The following TUB variants were observed in gnomAD, a reference collection of about 807,000 sequenced individuals.
The protein encoded by TUB is tubby protein homolog.
A neutral mutation model predicts 59.7 loss-of-function variants in TUB; 33 were observed. The observed-to-expected ratio is 0.55, with a 90% confidence interval of 0.42 to 0.74. The LOEUF (loss-of-function observed/expected upper bound fraction) is 0.74, where lower values mean the gene tolerates loss of function less well. TUB is among the 30% of genes least tolerant of loss of function. The probability of loss-of-function intolerance (pLI) is 0.00; values close to 1 mark genes in which losing one functional copy is unlikely to be tolerated. For synonymous variants in TUB, 293 were observed against 256.4 expected (o/e 1.14, Z -1.36); for missense variants, 659 against 672.0 (o/e 0.98, Z 0.21).
chr11:8,069,367 C>T (rs1389574442), intron 2 of TUB: 1 of 142,278 alleles, frequency 7.0e-6, no homozygotes, highest in Non-Finnish European at 1.5e-5. Flanking sequence ...TTTACACTCT[C>T]ATTTTTAAAT....
At chr11:8,098,953 T>G in intron 9 of TUB, 78 bp downstream of exon 9, 1 of 1,058,070 alleles carries the variant, frequency 9.5e-7, no homozygotes, top group Non-Finnish European at 1.5e-6. Context: ...CTAGGGGCTA[T>G]CCCATCCATC....
chr11:8,103,446 T>C lies in TUB; in HGVS notation c.*1827T>C, dbSNP rs1273251823. The C allele has an allele frequency of 1.3e-5, 2 of 152,436 alleles. No individual in the cohort carries two copies. Among genetic ancestry groups the C allele is most frequent in the Admixed American group, 1.3e-4 (2 of 15,288 alleles). The allele number at this position is 152,436 out of a possible 1,614,324, so 9.4% of individuals were successfully genotyped here. On this transcript the variant is annotated 3_prime_UTR_variant, in exon 12 of 12. Transcript: ENST00000299506. ...TGTTAGGCTTTATAGGTGAAGGACT[T>C]GTTTTGACTTAAGTAGAAGTAATAT...
rs1293684621 is a variant in TUB, at chr11:8,097,458, C to CT, written c.885+36dup. On this transcript the variant is annotated intron_variant, in intron 7 of 11. Coordinates refer to ENST00000299506, the MANE Select transcript of TUB (RefSeq NM_177972.3). ...TGGTCTGGGCATGTTATCATCTAGGCTTTACAGCCCTTTGAAATCCTAGGG... is the reference window on the plus strand; with the variant it reads ...TGGTCTGGGCATGTTATCATCTAGGCTTTTACAGCCCTTTGAAATCCTAGGG... 3 of 1,613,004 alleles carry CT rather than the reference C, an allele frequency of 1.9e-6. No individual in the cohort carries two copies. The African/African-American group carries it at 4.0e-5, about 22-fold the overall frequency.
intron 1 of TUB, among the ~76,000 whole-genome samples, chr11:8,031,783 G>A (rs945533047): frequency 5.9e-5 from 9 of 152,364 alleles, no homozygotes; most frequent in Admixed American, 2.6e-4. Context: ...GCAGGCCCAC[G>A]GCGTGTCCTG....
intron 3 of TUB, among the ~76,000 whole-genome samples, chr11:8,092,750 C>T (rs1943819534): frequency 6.6e-6 from 1 of 152,176 alleles, no homozygotes; most frequent in Non-Finnish European, 1.5e-5. Flanking sequence ...GAGGCTGCTG[C>T]ACACACGCGT....
At chr11:8,087,393 G>A (rs1215037462) in intron 1 of TUB, among the ~76,000 whole-genome samples, 4 of 152,222 alleles carry the variant, frequency 2.6e-5, no homozygotes, top group Non-Finnish European at 5.9e-5. Flanking sequence ...AGTGGCTTGC[G>A]ACAACCTAGA....
chr11:8,076,938 C>T (rs1943460403), upstream of TUB: 1 of 152,144 alleles, frequency 6.6e-6, no homozygotes, highest in Non-Finnish European at 1.5e-5. Flanking sequence ...TTATCTCAAT[C>T]ATCAACAGTG....
chr11:8,048,018 CTTT>C (rs949651102), intron 2 of TUB, among the ~76,000 whole-genome samples: 1 of 149,924 alleles, frequency 6.7e-6, no homozygotes, highest in African/African-American at 2.4e-5. Flanking sequence ...AGGGCTGTAT[CTTT>C]TTTTTTTCAT....
intron 9 of TUB, 58 bp from the exon 10 acceptor site, chr11:8,100,445 C>A (rs1400538866): frequency 1.7e-5 from 23 of 1,385,388 alleles, no homozygotes; most frequent in Non-Finnish European, 2.4e-5. Flanking sequence ...GTCCCCCCCA[C>A]CTTCTCCAGT....
At chr11:8,041,070 T>A (rs913654371) in intron 2 of TUB, among the ~76,000 whole-genome samples, 16 of 152,062 alleles carry the variant, frequency 1.1e-4, no homozygotes, top group African/African-American at 3.9e-4. Context: ...TTCTCAGGAG[T>A]GAGTAGTCCT....
At chr11:8,091,438 T>A (rs1459897166) in intron 3 of TUB, among the ~76,000 whole-genome samples, 2 of 152,192 alleles carry the variant, frequency 1.3e-5, no homozygotes, top group Non-Finnish European at 2.9e-5. Flanking sequence ...TGCATTATCT[T>A]GTTTCATCCT....
At chr11:8,092,999 G>C (rs1943831145) in intron 3 of TUB, among the ~76,000 whole-genome samples, 1 of 152,128 alleles carries the variant, frequency 6.6e-6, no homozygotes, top group Admixed American at 6.5e-5. Flanking sequence ...GTTTGTGTCA[G>C]GCTCTGGATT....
chr11:8,082,401 A>ATAG (rs1943586512), intron 1 of TUB, among the ~76,000 whole-genome samples: 1 of 152,132 alleles, frequency 6.6e-6, no homozygotes, highest in South Asian at 2.1e-4. Context: ...GGCCCCTCAC[A>ATAG]GGTGCAGGTC....
chr11:8,099,488 G>A (rs60029624), intron 9 of TUB, among the ~76,000 whole-genome samples: 12,672 of 152,212 alleles, frequency 0.083, 764 homozygotes, highest in African/African-American at 0.16. Context: ...TGATCCTGTG[G>A]TGCCACCTGC....
At chr11:8,067,253 TTTC>T (rs763754421) in intron 2 of TUB, among the ~76,000 whole-genome samples, 29 of 152,310 alleles carry the variant, frequency 1.9e-4, no homozygotes, top group Non-Finnish European at 3.5e-4. Context: ...CCCCGTTTCC[TTTC>T]TTGCTGAGTC....
chr11:8,071,220 G>A (rs1943354446), intron 2 of TUB, among the ~76,000 whole-genome samples: 1 of 152,140 alleles, frequency 6.6e-6, no homozygotes, highest in Admixed American at 6.5e-5. Context: ...GGGTGAGGGT[G>A]GGTCTGTACT....
rs117258917 is a variant in TUB, at chr11:8,063,909, C to T, written c.203+24217C>T. Among the ~76,000 whole-genome samples, 162 of 152,064 alleles carry T rather than the reference C, an allele frequency of 1.1e-3. 3 individuals carry two copies. In the East Asian group the frequency reaches 0.025, roughly 23 times the overall value. ...ATTTACTTTCTTTTTTCTCATTTTG[C>T]GATTTTGGTCAGGAGTGGTGTGGCG... On this transcript the variant is annotated intron_variant, in intron 2 of 12. Transcript: ENST00000305253.
intron 2 of TUB, among the ~76,000 whole-genome samples, chr11:8,049,578 T>TATATATATATATAGATAGATAGATAG (rs1055522231): frequency 4.0e-4 from 34 of 85,926 alleles, no homozygotes; most frequent in South Asian, 1.9e-3. Context: ...TATATATATA[T>TATATATATATATAGATAGATAGATAG]ATAGATAGAT....
rs894910418 is a variant in TUB at position 8,100,490 on chromosome 11, T to C, written c.1117-13T>C. ...GACGCCTCAGGTGGCCAGTGTTGCG[T>C]TCTCTTTCCCAGGAGACAAACGTCT... is the stretch of plus-strand genomic sequence containing the variant. On this transcript the variant is annotated splice_polypyrimidine_tract_variant and intron_variant, in intron 9 of 11. Transcript: ENST00000299506. 6.2e-7 allele frequency: 1 copy of C among 1,612,424 alleles called. No individual in the cohort carries two copies. Among genetic ancestry groups the C allele is most frequent in the East Asian group, 2.2e-5 (1 of 44,878 alleles).
Sources: gnomAD v4.1 joint callset for allele counts (sites outside exome capture counted in the v4.1 genomes callset) on GRCh38, gnomAD v4.1.1 for gene constraint, MANE v1.5 for transcripts, NCBI Gene and HGNC (gene_info 2026-07-23, HGNC 2026-07-21) for gene names.